EPHA6: variants seen among roughly 807,000 people sequenced by gnomAD.
EPHA6 encodes the protein ephrin type-A receptor 6.
In EPHA6, 50 loss-of-function variants were observed where a neutral mutation model predicts 112.0. The ratio of observed to expected loss-of-function variants is 0.45; its 90% confidence interval spans 0.36 to 0.56. The LOEUF (loss-of-function observed/expected upper bound fraction) is 0.56, where lower values mean the gene tolerates loss of function less well. EPHA6 is among the 20% of genes least tolerant of loss of function. The pLI, the probability that EPHA6 is intolerant of heterozygous loss-of-function variation, is 0.00. For missense variants in EPHA6, 1,280 were observed against 1,417.4 expected (o/e 0.90, Z 1.56); for synonymous variants, 529 against 490.7 (o/e 1.08, Z -1.03).
chr3:97,753,927 C>A lies in EPHA6; in HGVS notation c.*5226C>A, dbSNP rs1476312666. ...CTTTTTTTGTTATAAGTGGATGTGG[C>A]ATAATGTACATGTATTCTTGGAAAA... On this transcript the variant is annotated 3_prime_UTR_variant, in exon 18 of 18. Coordinates refer to ENST00000389672, the MANE Select transcript of EPHA6 (RefSeq NM_001080448.3). Among the ~76,000 whole-genome samples the A allele has an allele frequency of 6.6e-6, 1 of 151,790 alleles. No homozygotes were observed. Among genetic ancestry groups the A allele is most frequent in the Non-Finnish European group, 1.5e-5 (1 of 67,964 alleles).
chr3:97,344,309 C>A (rs1225919393), intron 5 of EPHA6, among the ~76,000 whole-genome samples: 2 of 151,978 alleles, frequency 1.3e-5, no homozygotes, highest in East Asian at 1.9e-4. Context: ...TGAATTGTGT[C>A]CCCCTGCAAA....
chr3:97,370,006 G>T (rs2084957648), intron 5 of EPHA6, among the ~76,000 whole-genome samples: 1 of 152,014 alleles, frequency 6.6e-6, no homozygotes, highest in African/African-American at 2.4e-5. Context: ...TTATTGATTT[G>T]GAATTTAAAG....
At chr3:96,873,077 G>A (rs1421425900) in intron 2 of EPHA6, among the ~76,000 whole-genome samples, 1 of 151,914 alleles carries the variant, frequency 6.6e-6, no homozygotes, top group Non-Finnish European at 1.5e-5. Context: ...AGACCAACCT[G>A]GCCAACATGG....
intron 11 of EPHA6, among the ~76,000 whole-genome samples, chr3:97,590,919 G>A (rs997118645): frequency 3.3e-5 from 5 of 152,154 alleles, no homozygotes; most frequent in African/African-American, 9.7e-5. Context: ...CCTTGTGTGG[G>A]AAACATTGCA....
chr3:97,251,095 C>T (rs1019802331), intron 5 of EPHA6, among the ~76,000 whole-genome samples: 8 of 151,778 alleles, frequency 5.3e-5, no homozygotes, highest in Non-Finnish European at 1.2e-4. Flanking sequence ...CTTGAACTCC[C>T]GACCTCATGT....
chr3:97,721,928 A>C (rs1472105718), intron 15 of EPHA6, among the ~76,000 whole-genome samples: 1 of 152,140 alleles, frequency 6.6e-6, no homozygotes, highest in African/African-American at 2.4e-5. Flanking sequence ...TAGGTAGTAA[A>C]AGCCCTGGTT....
At chr3:97,428,809 A>T (rs888523491) in intron 6 of EPHA6, among the ~76,000 whole-genome samples, 1 of 152,160 alleles carries the variant, frequency 6.6e-6, no homozygotes, top group Admixed American at 6.5e-5. Context: ...TTCTTGCTGA[A>T]TACAGAAATG....
At chr3:97,583,690 T>G (rs1005497351) in intron 11 of EPHA6, among the ~76,000 whole-genome samples, 1 of 152,220 alleles carries the variant, frequency 6.6e-6, no homozygotes, top group Admixed American at 6.5e-5. Flanking sequence ...AGACTCAATA[T>G]TATTCAGATG....
chr3:97,437,776 A>G (rs1160533852), intron 6 of EPHA6, among the ~76,000 whole-genome samples: 1 of 152,162 alleles, frequency 6.6e-6, no homozygotes, highest in Non-Finnish European at 1.5e-5. Flanking sequence ...TGCTGGGATT[A>G]CAGGTGTGAG....
chr3:97,515,972 C>G (rs2092442153), intron 10 of EPHA6, among the ~76,000 whole-genome samples: 1 of 151,124 alleles, frequency 6.6e-6, no homozygotes, highest in Admixed American at 6.6e-5. Context: ...ATTCTCAGGT[C>G]TTAAAGAAAT....
At chr3:96,935,098 G>A (rs560613809) in intron 2 of EPHA6, among the ~76,000 whole-genome samples, 3 of 151,840 alleles carry the variant, frequency 2.0e-5, no homozygotes, top group Admixed American at 6.6e-5. Context: ...AATGGTTACT[G>A]TTTTAGCAAC....
intron 14 of EPHA6, among the ~76,000 whole-genome samples, chr3:97,691,632 T>C (rs114537985): frequency 3.3e-5 from 5 of 152,306 alleles, no homozygotes; most frequent in Non-Finnish European, 5.9e-5. Flanking sequence ...GCTTTAGATA[T>C]TATCATAAAA....
chr3:97,626,776 A>C (rs2093860612), intron 13 of EPHA6, among the ~76,000 whole-genome samples: 1 of 151,754 alleles, frequency 6.6e-6, no homozygotes, highest in African/African-American at 2.4e-5. Flanking sequence ...CTATGTTGGG[A>C]GTAGTTACAC....
At chr3:97,615,064 T>C (rs1283168814) in intron 13 of EPHA6, among the ~76,000 whole-genome samples, 4 of 152,100 alleles carry the variant, frequency 2.6e-5, no homozygotes, top group Non-Finnish European at 5.9e-5. Context: ...AAACATCCAG[T>C]ACTTGCACTG....
intron 5 of EPHA6, among the ~76,000 whole-genome samples, chr3:97,324,458 TTTCTTTCTTTC>T (rs1559883981): frequency 1.3e-5 from 2 of 148,418 alleles, no homozygotes; most frequent in Admixed American, 6.8e-5. Flanking sequence ...TCTTTCTTTC[TTTCTTTCTTTC>T]TTTTTCTTTC....
At chr3:96,839,952 G>T (rs1419171216) in intron 1 of EPHA6, among the ~76,000 whole-genome samples, 1 of 152,196 alleles carries the variant, frequency 6.6e-6, no homozygotes, top group South Asian at 2.1e-4. Context: ...TTGGTAATGG[G>T]AGACCATTTA....
At chr3:97,130,299 A>G (rs1252246659) in intron 3 of EPHA6, among the ~76,000 whole-genome samples, 1 of 151,304 alleles carries the variant, frequency 6.6e-6, no homozygotes, top group Non-Finnish European at 1.5e-5. Flanking sequence ...TTTTTTCTCT[A>G]GTTACCATCT....
chr3:97,623,692 A>G (rs1259024390), intron 13 of EPHA6, among the ~76,000 whole-genome samples: 1 of 151,690 alleles, frequency 6.6e-6, no homozygotes, highest in Non-Finnish European at 1.5e-5. Flanking sequence ...CCCATTCATG[A>G]GGATTGAGTG....
intron 16 of EPHA6, among the ~76,000 whole-genome samples, chr3:97,737,803 T>C (rs941052010): frequency 1.3e-5 from 2 of 151,864 alleles, no homozygotes; most frequent in East Asian, 1.9e-4. Context: ...ACAGAGAGTA[T>C]AAAGAATGCA....
Sources: allele counts gnomAD v4.1 joint callset (sites outside exome capture counted in the v4.1 genomes callset), GRCh38; gene constraint gnomAD v4.1.1; transcripts MANE v1.5; gene names NCBI Gene and HGNC (gene_info 2026-07-23, HGNC 2026-07-21).